DCLRE1B: variants seen among roughly 807,000 people sequenced by gnomAD.
DCLRE1B encodes 5' exonuclease Apollo.
A neutral mutation model predicts 19.8 loss-of-function variants in DCLRE1B; 6 were observed. The ratio of observed to expected loss-of-function variants is 0.30; its 90% CI spans 0.17 to 0.60. The LOEUF is 0.60. Among genes scored for constraint, DCLRE1B ranks in the 20% least tolerant of loss-of-function variants. DCLRE1B has a pLI of 0.87. For synonymous variants in DCLRE1B, 258 were observed against 255.7 expected (o/e 1.01, Z -0.09); for missense variants, 622 against 654.2 (o/e 0.95, Z 0.54).
chr1:113,905,431 T>C lies in DCLRE1B; in HGVS notation c.-156T>C, dbSNP rs531526349. On this transcript the variant is annotated 5_prime_UTR_variant, in exon 1 of 4. Coordinates refer to ENST00000650450, the MANE Select transcript of DCLRE1B (RefSeq NM_022836.4). ...AGGGTGACTTCCTTTTTCTGCCCAC[T>C]CTGGTAACTTATTGCTCTGCTGGGC... 6 of 744,810 alleles carry C rather than the reference T, an allele frequency of 8.1e-6. No homozygotes were observed. The African/African-American group carries it at 1.1e-4, about 13-fold the overall frequency. The allele number at this position is 744,810 out of a possible 1,614,324, so 46.1% of individuals were successfully genotyped here.
chr1:113,904,856 T>A (rs1174737092), upstream of DCLRE1B: 2 of 775,576 alleles, frequency 2.6e-6, no homozygotes. Context: ...CAGGCTCGGC[T>A]TCCGTAGGGC....
At chr1:113,905,218 T>TC (rs1167168804), upstream of DCLRE1B, 1 of 335,826 alleles carries the variant, frequency 3.0e-6, no homozygotes, top group Non-Finnish European at 5.6e-6. Flanking sequence ...AGGATGCCCT[T>TC]CCCCCAACCT....
Position 113,911,837 on chromosome 1 carries a change from C to G in DCLRE1B, c.1245C>G (p.Phe415Leu). 1 of 1,614,226 alleles carries G rather than the reference C, an allele frequency of 6.2e-7. No homozygotes were observed. The highest frequency in any genetic ancestry group is 8.5e-7 in the Non-Finnish European group (1 of 1,180,038). ...YSKEWNKAVP[F>L]CESQKRVTML... ...AAGAATGGAACAAGGCAGTGCCTTT[C>G]TGTGAGTCTCAAAAGAGGGTGACTA... Residue 415 changes from phenylalanine (F) to leucine (L), a missense_variant, in exon 4 of 4, where the codon TTC becomes TTG. Physicochemically the swap from Phe to Leu is conservative, Grantham distance 22. Transcript: ENST00000650450.
In DCLRE1B at chr1:113,912,819, C is replaced by T. The variant is rs768382387; in HGVS notation, c.*628C>T. ...TGGAACAGTAGTGAAAATTCTACCT[C>T]TATGTCCTTCATGAGGATGTGCAGT... On this transcript the variant is annotated 3_prime_UTR_variant, in exon 4 of 4. Transcript: ENST00000650450. The T allele has an allele frequency of 6.6e-6, 1 of 152,366 alleles. No individual in the cohort carries two copies. The highest frequency in any genetic ancestry group is 1.5e-5 in the Non-Finnish European group (1 of 68,086). The allele number at this position is 152,366 out of a possible 1,614,324, so 9.4% of individuals were successfully genotyped here. A position where few individuals can be genotyped will look rare whatever the true frequency, so the allele number is the denominator to read the frequency against.
Position 113,912,135 on chromosome 1 carries a change from G to A in DCLRE1B, c.1543G>A (p.Gly515Arg). The A allele has an allele frequency of 6.2e-7, 1 of 1,614,174 alleles. No homozygotes were observed. The highest frequency in any genetic ancestry group is 8.5e-7 in the Non-Finnish European group (1 of 1,180,036). ...LLTPVNFFQA[G>R]YSSRRFDQQV... ...GACTCCAGTGAACTTTTTCCAGGCA[G>A]GGTATTCTTCCAGGAGATTTGACCA... Residue 515 changes from glycine to arginine, a missense_variant, in exon 4 of 4, where the codon GGG becomes AGG. By Grantham distance (125) the Gly-to-Arg change is moderately radical. This residue lies in a region of DCLRE1B where 382 missense variants were observed against 412.5 expected (regional missense o/e 0.93). Coordinates refer to ENST00000650450, the MANE Select transcript of DCLRE1B (RefSeq NM_022836.4).
upstream of DCLRE1B, chr1:113,904,951 G>A (rs888219942): frequency 4.2e-5 from 21 of 505,606 alleles, no homozygotes; most frequent in Non-Finnish European, 6.2e-5. Flanking sequence ...CCGTCGGCCG[G>A]CAGGCCGTTC....
intron 2 of DCLRE1B, 65 bp downstream of exon 2, chr1:113,907,226 TTTTTTTTTA>T (rs1257055144): frequency 1.5e-6 from 2 of 1,313,202 alleles, no homozygotes; most frequent in African/African-American, 1.8e-5. Flanking sequence ...TTTTTTTTTT[TTTTTTTTTA>T]ATGTATAGAC....
upstream of DCLRE1B, chr1:113,904,665 C>T: frequency 6.2e-7 from 1 of 1,613,292 alleles, no homozygotes; most frequent in Non-Finnish European, 8.5e-7. Flanking sequence ...GTGAGGATTG[C>T]ACAGAGCCTT....
chr1:113,908,400 G>A (rs995478660), intron 3 of DCLRE1B, among the ~76,000 whole-genome samples: 3 of 152,180 alleles, frequency 2.0e-5, no homozygotes, highest in Non-Finnish European at 4.4e-5. Flanking sequence ...TTGAGCCCAG[G>A]CGTTTGAGAC....
At chr1:113,910,913 A>G (rs1669228145) in intron 3 of DCLRE1B, among the ~76,000 whole-genome samples, 1 of 152,144 alleles carries the variant, frequency 6.6e-6, no homozygotes, top group Non-Finnish European at 1.5e-5. Context: ...GAAACTTGCT[A>G]GATGCTCTCT....
upstream of DCLRE1B, chr1:113,904,747 A>C: frequency 6.3e-7 from 1 of 1,588,520 alleles, no homozygotes; most frequent in Non-Finnish European, 8.6e-7. Flanking sequence ...CAGCTCCCAC[A>C]GCTCCCACGG....
At chr1:113,907,204 GTTTTTTTT>G (rs71090746) in intron 2 of DCLRE1B, 43 bp downstream of exon 2, 13,485 of 489,808 alleles carry the variant, frequency 0.028, 163 homozygotes, top group East Asian at 0.061. Flanking sequence ...CAGACTAGAT[GTTTTTTTT>G]TTTTTTTTTT....
chr1:113,905,560 C>A lies in DCLRE1B; in HGVS notation c.-27C>A. The A allele has an allele frequency of 6.2e-7, 1 of 1,607,738 alleles. No homozygotes were observed. The highest frequency in any genetic ancestry group is 1.1e-5 in the South Asian group (1 of 90,608). ...GGAGCCCTGCCCCCGTGGAGAAGAT[C>A]CCACTGGTGACTCCAACCCTACCAC... On this transcript the variant is annotated 5_prime_UTR_variant, in exon 1 of 4. Transcript: ENST00000650450.
intron 2 of DCLRE1B, 43 bp downstream of exon 2, chr1:113,907,204 G>A: frequency 1.8e-5 from 9 of 491,078 alleles, no homozygotes; most frequent in Non-Finnish European, 2.5e-5. Context: ...CAGACTAGAT[G>A]TTTTTTTTTT....
intron 2 of DCLRE1B, among the ~76,000 whole-genome samples, chr1:113,907,571 G>C (rs1249302321): frequency 6.6e-6 from 1 of 152,086 alleles, no homozygotes; most frequent in African/African-American, 2.4e-5. Flanking sequence ...CTGGGTTCAA[G>C]TGATTCTCTT....
rs1339573751 is a variant in DCLRE1B, at chr1:113,912,837, T to G, written c.*646T>G. 1 of 152,324 alleles carries G rather than the reference T, an allele frequency of 6.6e-6. No individual in the cohort carries two copies. The highest frequency in any genetic ancestry group is 1.5e-5 in the Non-Finnish European group (1 of 68,078). 9.4% of individuals were successfully genotyped at this position (152,324 alleles called of 1,614,324 possible). A position where few individuals can be genotyped will look rare whatever the true frequency, so the allele number is the denominator to read the frequency against. On this transcript the variant is annotated 3_prime_UTR_variant, in exon 4 of 4. Coordinates refer to ENST00000650450, the MANE Select transcript of DCLRE1B (RefSeq NM_022836.4). ...TCTACCTCTATGTCCTTCATGAGGA[T>G]GTGCAGTATCCCAGTATCACTGGGA... is the stretch of plus-strand genomic sequence containing the variant.
upstream of DCLRE1B, chr1:113,904,839 C>A (rs1348106633): frequency 2.2e-6 from 2 of 902,294 alleles, 1 homozygote; most frequent in South Asian, 2.6e-5. Context: ...AAGGCGAGAT[C>A]TCGCCTCAGG....
At chr1:113,910,421 C>A (rs1431119538) in intron 3 of DCLRE1B, among the ~76,000 whole-genome samples, 2 of 152,190 alleles carry the variant, frequency 1.3e-5, no homozygotes, top group Non-Finnish European at 2.9e-5. Context: ...CCTTTCCTTG[C>A]CAGGTTAACC....
At position 113,911,792 on chromosome 1, in the gene DCLRE1B, G is replaced by A; in HGVS notation, c.1200G>A (p.Leu400=). Residue 400 remains leucine, a synonymous_variant, in exon 4 of 4, where the codon TTG becomes TTA. Transcript: ENST00000650450. Reference sequence around the variant, plus strand: ...ATCCTTTGCGGATCAAGAAGCAGTTGTTCCCAGATCTCTATAGCAAAGAAT... The same window carrying A: ...ATCCTTTGCGGATCAAGAAGCAGTTATTCCCAGATCTCTATAGCAAAGAAT... ...SHHPLRIKKQ[L]FPDLYSKEWN... The A allele has an allele frequency of 6.2e-7, 1 of 1,614,192 alleles. No individual in the cohort carries two copies. Among genetic ancestry groups the A allele is most frequent in the Non-Finnish European group, 8.5e-7 (1 of 1,180,040 alleles).
Sources: gnomAD v4.1 joint callset for allele counts (sites outside exome capture counted in the v4.1 genomes callset) on GRCh38, gnomAD v4.1.1 for gene constraint, gnomAD v4.1.1 regional missense constraint, MANE v1.5 for transcripts, NCBI Gene and HGNC (gene_info 2026-07-23, HGNC 2026-07-21) for gene names.